Variants in MAP3K2 observed in about 807,000 individuals in gnomAD.
MAP3K2 encodes the protein mitogen-activated protein kinase kinase kinase 2, also known as MAP/ERK kinase kinase 2.
MAP3K2 carries 24 observed loss-of-function variants against 80.3 expected under a neutral mutation model. The observed-to-expected ratio is 0.30, with a 90% CI of 0.22 to 0.42. The LOEUF is 0.42. Ranked by LOEUF, MAP3K2 falls within the 10% of genes least tolerant of loss-of-function variation. The pLI, the probability that MAP3K2 is intolerant of heterozygous loss-of-function variation, is 1.00. For missense variants in MAP3K2, 608 were observed against 750.1 expected (o/e 0.81, Z 2.21); for synonymous variants, 244 against 253.7 (o/e 0.96, Z 0.36).
intron 1 of MAP3K2, among the ~76,000 whole-genome samples, chr2:127,360,292 C>T (rs1422944974): frequency 6.6e-6 from 1 of 151,562 alleles, no homozygotes; most frequent in Non-Finnish European, 1.5e-5. Flanking sequence ...TACACACATA[C>T]ACTGCATGAC....
At chr2:127,340,869 C>A (rs1276641441) in intron 2 of MAP3K2, among the ~76,000 whole-genome samples, 1 of 151,874 alleles carries the variant, frequency 6.6e-6, no homozygotes, top group East Asian at 1.9e-4. Context: ...TTAGAAGAAA[C>A]CTAAACATTT....
chr2:127,367,460 G>C (rs1319745823), intron 1 of MAP3K2, among the ~76,000 whole-genome samples: 2 of 152,098 alleles, frequency 1.3e-5, no homozygotes, highest in Non-Finnish European at 2.9e-5. Flanking sequence ...GGAGACATTA[G>C]GTCTCATTTC....
intron 5 of MAP3K2, among the ~76,000 whole-genome samples, chr2:127,333,897 G>A (rs550202412): frequency 5.9e-5 from 9 of 152,010 alleles, no homozygotes; most frequent in African/African-American, 9.7e-5. Flanking sequence ...TCAGGAGTTT[G>A]AGACCAGTCT....
At chr2:127,338,392 C>G (rs1316730118) in intron 3 of MAP3K2, among the ~76,000 whole-genome samples, 7 of 152,214 alleles carry the variant, frequency 4.6e-5, no homozygotes, top group Admixed American at 3.3e-4. Context: ...CAGGTAAACT[C>G]ACGTCACGGG....
In MAP3K2 at chr2:127,322,306, T is replaced by C. The variant is rs757795823; in HGVS notation, c.839-54A>G. 5 of 1,142,280 alleles carry C rather than the reference T, an allele frequency of 4.4e-6. No individual in the cohort carries two copies. The highest frequency in any genetic ancestry group is 6.2e-6 in the Non-Finnish European group (5 of 801,368). 70.8% of individuals were successfully genotyped at this position (1,142,280 alleles called of 1,614,324 possible). A position where few individuals can be genotyped will look rare whatever the true frequency, so the allele number is the denominator to read the frequency against. Reference sequence around the variant, plus strand: ...ACCTTTTATTAATATGTTATACTTTTAAAGTATTTAAAATTTGTAATGTAG... The same window carrying C: ...ACCTTTTATTAATATGTTATACTTTCAAAGTATTTAAAATTTGTAATGTAG... On this transcript the variant is annotated intron_variant, in intron 11 of 16. Coordinates refer to ENST00000682094, the MANE Select transcript of MAP3K2 (RefSeq NM_001371910.2). This position sits in a 1 kb window ranked among gnomAD's most constrained non-coding sequence, Gnocchi z 4.2.
At position 127,347,559 on chromosome 2, in the gene MAP3K2, A is replaced by T. The variant is rs1449509226; in HGVS notation, c.-65-4365T>A. Reference sequence around the variant, plus strand: ...AAAAAAATGCAGCTTGCACTCTAAAAACTACAAAACACTGTTGAAAGAAAT... The same window carrying T: ...AAAAAAATGCAGCTTGCACTCTAAATACTACAAAACACTGTTGAAAGAAAT... On this transcript the variant is annotated intron_variant, in intron 1 of 16. Transcript: ENST00000682094. Among the ~76,000 whole-genome samples, 7 of 152,286 alleles carry T rather than the reference A, an allele frequency of 4.6e-5. No individual in the cohort carries two copies. The East Asian group carries it at 1.2e-3, about 25-fold the overall frequency.
At position 127,343,836 on chromosome 2, in the gene MAP3K2, G is replaced by A. The variant is rs533176177; in HGVS notation, c.-65-642C>T. On this transcript the variant is annotated intron_variant, in intron 1 of 16. Transcript: ENST00000682094. ...AGTTCGAGACCAGCCTGTCCAACAC[G>A]GTGAAACCCCATCTATACAAAAAAA... 6.6e-5 allele frequency among the ~76,000 whole-genome samples: 10 copies of A among 151,812 alleles called. No homozygotes were observed. The South Asian group carries it at 1.9e-3, about 29-fold the overall frequency.
intron 1 of MAP3K2, among the ~76,000 whole-genome samples, chr2:127,349,894 T>C (rs6716392): frequency 0.8 from 121,120 of 152,000 alleles, 48,458 homozygotes; most frequent in Middle Eastern, 0.84. Flanking sequence ...TTGTTTTCTG[T>C]GACAGGGTCT....
At chr2:127,373,711 G>A (rs1045196388) in intron 1 of MAP3K2, among the ~76,000 whole-genome samples, 1 of 152,144 alleles carries the variant, frequency 6.6e-6, no homozygotes. Flanking sequence ...CCAGAGCTAT[G>A]CTTTCTAGAA....
At position 127,321,300 on chromosome 2, in the gene MAP3K2, T is replaced by C. The variant is rs557651049; in HGVS notation, c.1045+746A>G. Among the ~76,000 whole-genome samples the C allele has an allele frequency of 3.3e-5, 5 of 152,218 alleles. No individual in the cohort carries two copies. The highest frequency in any genetic ancestry group is 2.1e-4 in the South Asian group (1 of 4,826). ...ATATACAAAGATCTATAAAAATGAATAGACTGAAGATATATATAAAAGACA... is the reference window on the plus strand; with the variant it reads ...ATATACAAAGATCTATAAAAATGAACAGACTGAAGATATATATAAAAGACA... On this transcript the variant is annotated intron_variant, in intron 12 of 16. Coordinates refer to ENST00000682094, the MANE Select transcript of MAP3K2 (RefSeq NM_001371910.2). This position sits in a 1 kb window ranked among gnomAD's most constrained non-coding sequence, Gnocchi z 4.4.
rs1285086700 is a variant in MAP3K2, at chr2:127,304,439, C to T, written c.*3140G>A. 2 of 152,018 alleles carry T rather than the reference C, an allele frequency of 1.3e-5. No homozygotes were observed. Among genetic ancestry groups the T allele is most frequent in the Non-Finnish European group, 2.9e-5 (2 of 67,988 alleles). The allele number at this position is 152,018 out of a possible 1,614,324, so 9.4% of individuals were successfully genotyped here. A position where few individuals can be genotyped will look rare whatever the true frequency, so the allele number is the denominator to read the frequency against. On this transcript the variant is annotated 3_prime_UTR_variant, in exon 17 of 17. Coordinates refer to ENST00000682094, the MANE Select transcript of MAP3K2 (RefSeq NM_001371910.2). ...TCATGCCACTTTGAATCTCTCAAGG[C>T]CTTAAGTAGAAAGATATTTCCTGAA...
chr2:127,302,011 G>C lies in MAP3K2; in HGVS notation c.*5568C>G, dbSNP rs1685601049. ...TATAAGTAGGAATAGCTGCTTCACAGCATGCTTCCCCTAGCCAACCAAAAA... is the reference window on the plus strand; with the variant it reads ...TATAAGTAGGAATAGCTGCTTCACACCATGCTTCCCCTAGCCAACCAAAAA... On this transcript the variant is annotated 3_prime_UTR_variant, in exon 17 of 17. Transcript: ENST00000682094. 2.6e-5 allele frequency: 4 copies of C among 152,156 alleles called. No homozygotes were observed. The South Asian group carries it at 8.3e-4, about 32-fold the overall frequency. The allele number at this position is 152,156 out of a possible 1,614,324, so 9.4% of individuals were successfully genotyped here.
chr2:127,324,310 C>A (rs974543265), intron 9 of MAP3K2, 69 bp from the exon 10 acceptor site: 1 of 905,444 alleles, frequency 1.1e-6, no homozygotes, highest in Non-Finnish European at 1.7e-6. Flanking sequence ...AATCTTTGAG[C>A]AATATCTATA....
At chr2:127,349,668 G>C (rs1446046177) in intron 1 of MAP3K2, among the ~76,000 whole-genome samples, 2 of 152,050 alleles carry the variant, frequency 1.3e-5, no homozygotes, top group East Asian at 3.9e-4. Flanking sequence ...GCTAAGACTT[G>C]AATACCTGTT....
intron 15 of MAP3K2, among the ~76,000 whole-genome samples, chr2:127,314,426 A>T (rs928607796): frequency 6.6e-6 from 1 of 152,226 alleles, no homozygotes; most frequent in Non-Finnish European, 1.5e-5. Context: ...TAAAAGCCCA[A>T]ATTTGAATCA....
In MAP3K2 at chr2:127,387,398, GCACACA is replaced by G. The variant is rs367967800; in HGVS notation, c.-66+48_-66+53del. ...CCCGCGGCCCCCGACACACACGCGC[GCACACA>G]CACACACACACACACACAAGCGCGC... On this transcript the variant is annotated intron_variant, in intron 1 of 16. Coordinates refer to ENST00000682094, the MANE Select transcript of MAP3K2 (RefSeq NM_001371910.2). 14 of 198,142 alleles carry G rather than the reference GCACACA, an allele frequency of 7.1e-5. No homozygotes were observed. The South Asian group carries it at 1.1e-3, about 15-fold the overall frequency. The allele number at this position is 198,142 out of a possible 1,614,324, so 12.3% of individuals were successfully genotyped here.
At chr2:127,374,120 T>C (rs531660032) in intron 1 of MAP3K2, among the ~76,000 whole-genome samples, 33 of 152,344 alleles carry the variant, frequency 2.2e-4, no homozygotes, top group African/African-American at 7.5e-4. Flanking sequence ...CTGGATTTAC[T>C]AGCACTCAGA....
rs10558890 is a variant in MAP3K2 at position 127,365,116 on chromosome 2, CAAAAAAAAAAAAAAAAAAAAAAA to C, written c.-65-21945_-65-21923del. Among the ~76,000 whole-genome samples, 15 of 31,658 alleles carry C rather than the reference CAAAAAAAAAAAAAAAAAAAAAAA, an allele frequency of 4.7e-4. No homozygotes were observed. In the East Asian group the frequency reaches 9.9e-3, roughly 21 times the overall value. The allele number at this position is 31,658 out of a possible 152,430, so 20.8% of individuals were successfully genotyped here. A position where few individuals can be genotyped will look rare whatever the true frequency, so the allele number is the denominator to read the frequency against. ...TGGGCGACAGAGTGAGACTCTGCCT[CAAAAAAAAAAAAAAAAAAAAAAA>C]AAAAAAAAAAAAAAAGCTACTATTT... On this transcript the variant is annotated intron_variant, in intron 1 of 16. Transcript: ENST00000682094.
rs1685644283 is a variant in MAP3K2 at position 127,303,836 on chromosome 2, G to A, written c.*3743C>T. ...ATCACTGGCACAGAACTTTGCCATA[G>A]GCCAAGGAGTCTGCATCTGGCTTGG... On this transcript the variant is annotated 3_prime_UTR_variant, in exon 17 of 17. Coordinates refer to ENST00000682094, the MANE Select transcript of MAP3K2 (RefSeq NM_001371910.2). The A allele has an allele frequency of 6.6e-6, 1 of 152,116 alleles. No individual in the cohort carries two copies. Among genetic ancestry groups the A allele is most frequent in the African/African-American group, 2.4e-5 (1 of 41,428 alleles). 9.4% of individuals were successfully genotyped at this position (152,116 alleles called of 1,614,324 possible).
Sources: gnomAD v4.1 joint callset for allele counts (sites outside exome capture counted in the v4.1 genomes callset) on GRCh38, gnomAD v4.1.1 for gene constraint, Gnocchi (gnomAD v3.1) non-coding constraint, MANE v1.5 for transcripts, NCBI Gene and HGNC (gene_info 2026-07-23, HGNC 2026-07-21) for gene names.